Variants in ZNF320 observed in about 807,000 individuals in gnomAD.
ZNF320 encodes the protein zinc finger protein 320, also known as zinc finger gene 320.
A neutral mutation model predicts 6.8 loss-of-function variants in ZNF320; 2 were observed. That is an observed-to-expected ratio of 0.29 (90% CI 0.12 to 0.93). The LOEUF is 0.93. ZNF320 is among the 40% of genes least tolerant of loss of function. ZNF320 has a pLI of 0.55. For synonymous variants in ZNF320, 208 were observed against 203.2 expected (o/e 1.02, Z -0.20); for missense variants, 472 against 611.0 (o/e 0.77, Z 2.40).
chr19:52,866,891 G>T (rs80023479), intron 5 of ZNF320, among the ~76,000 whole-genome samples: 62 of 124,136 alleles, frequency 5.0e-4, no homozygotes, highest in African/African-American at 1.8e-3. Context: ...AAAAAAAAAA[G>T]AAAAGAAATG....
chr19:52,879,260 T>G lies in ZNF320; in HGVS notation c.*1336A>C, dbSNP rs765569199. Reference sequence around the variant, plus strand: ...GAGGTTATAAAAAGGATTGTTGATATGCAAGTGCCACTTATTTCTGGGATG... The same window carrying G: ...GAGGTTATAAAAAGGATTGTTGATAGGCAAGTGCCACTTATTTCTGGGATG... On this transcript the variant is annotated 3_prime_UTR_variant, in exon 6 of 6. Transcript: ENST00000682928. 6.6e-6 allele frequency: 1 copy of G among 152,456 alleles called. No individual in the cohort carries two copies. Among genetic ancestry groups the G allele is most frequent in the Non-Finnish European group, 1.5e-5 (1 of 68,176 alleles). The allele number at this position is 152,456 out of a possible 1,614,324, so 9.4% of individuals were successfully genotyped here.
chr19:52,881,154 A>C lies in ZNF320; in HGVS notation c.972T>G (p.Thr324=), dbSNP rs1600614765. 6.2e-7 allele frequency: 1 copy of C among 1,614,128 alleles called. No homozygotes were observed. Among genetic ancestry groups the C allele is most frequent in the Non-Finnish European group, 8.5e-7 (1 of 1,180,022 alleles). The change falls in exon 6 of 6, where the codon ACT becomes ACG. Residue 324 remains threonine (T), a synonymous_variant. Coordinates refer to ENST00000682928, the MANE Select transcript of ZNF320 (RefSeq NM_001351774.2). ...ATLAGHRRVH[T]GEKPYRCEEC... The stretch of plus-strand genomic sequence containing the variant: ...CTTCACATCTGTAAGGTTTCTCTCC[A>C]GTGTGAACTCTACGATGTCCTGCAA...
chr19:52,898,400 C>T (rs924194028), upstream of ZNF320, among the ~76,000 whole-genome samples: 1 of 152,172 alleles, frequency 6.6e-6, no homozygotes, highest in Admixed American at 6.5e-5. Context: ...AGCCGCAAGA[C>T]CGCTGAGCCC....
Position 52,881,720 on chromosome 19 carries a change from T to C in ZNF320, c.406A>G (p.Ile136Val), listed in dbSNP as rs773749448. 3.1e-6 allele frequency: 5 copies of C among 1,614,000 alleles called. No individual in the cohort carries two copies. Among genetic ancestry groups the C allele is most frequent in the South Asian group, 2.2e-5 (2 of 91,078 alleles). Residue 136 changes from isoleucine (I) to valine (V), a missense_variant, in exon 6 of 6, where the codon ATT becomes GTT. This residue lies in a region of ZNF320 where 462 missense variants were observed against 559.7 expected (regional missense o/e 0.83). Transcript: ENST00000682928. ...AATCTTGATTCAAGCTGACCTTTAA[T>C]AGGCTTGTTTCCAGCATGCCTTTGA... is the stretch of plus-strand genomic sequence containing the variant. Reference protein sequence around the residue: ...YDQRHAGNKPIKGQLESRFHL... With the variant: ...YDQRHAGNKPVKGQLESRFHL...
In ZNF320 at chr19:52,891,238, A is replaced by C. The variant is rs2064279232; in HGVS notation, c.-83T>G. On this transcript the variant is annotated 5_prime_UTR_variant, in exon 3 of 6. Transcript: ENST00000682928. ...GGCGGGTGGCACGCACCTGTATCTC[A>C]GCTACTTGGTAGGCTGAGGCACAAG... 6.6e-6 allele frequency: 1 copy of C among 152,166 alleles called. No individual in the cohort carries two copies. The highest frequency in any genetic ancestry group is 2.1e-4 in the South Asian group (1 of 4,832). The allele number at this position is 152,166 out of a possible 1,614,324, so 9.4% of individuals were successfully genotyped here. A position where few individuals can be genotyped will look rare whatever the true frequency, so the allele number is the denominator to read the frequency against.
At chr19:52,869,916 C>T (rs2063649573) in intron 5 of ZNF320, among the ~76,000 whole-genome samples, 1 of 151,786 alleles carries the variant, frequency 6.6e-6, no homozygotes, top group Admixed American at 6.6e-5. Context: ...TGGGGTTTCA[C>T]CGTGTTAGCC....
Position 52,896,123 on chromosome 19 carries a change from G to A in ZNF320, c.-270+1397C>T, listed in dbSNP as rs114209525. 3.6e-3 allele frequency among the ~76,000 whole-genome samples: 551 copies of A among 152,084 alleles called. 7 individuals are homozygous for A. The highest frequency in any genetic ancestry group is 0.012 in the African/African-American group (502 of 41,498). The stretch of plus-strand genomic sequence containing the variant: ...TCTTACTTTTTTCAGACGGAGTCTC[G>A]CTCTGTCACCCCAGGCTGGAGTGCA... On this transcript the variant is annotated intron_variant, in intron 1 of 5. Transcript: ENST00000682928.
chr19:52,862,377 CTA>C, exon 6 of ZNF320: 1 of 494,150 alleles, frequency 2.0e-6, no homozygotes, highest in Non-Finnish European at 4.1e-6. Context: ...ATGAATTCAC[CTA>C]TGTCTTTCAA....
At chr19:52,887,733 T>A (rs1363550527) in intron 5 of ZNF320, among the ~76,000 whole-genome samples, 1 of 152,110 alleles carries the variant, frequency 6.6e-6, no homozygotes, top group Non-Finnish European at 1.5e-5. Flanking sequence ...ATTGCAGGTG[T>A]GCACCATGAC....
chr19:52,881,367 G>A lies in ZNF320; in HGVS notation c.759C>T (p.Thr253=). 2 of 1,613,340 alleles carry A rather than the reference G, an allele frequency of 1.2e-6. No homozygotes were observed. The change falls in exon 6 of 6, where the codon ACC becomes ACT. Residue 253 remains threonine (T), a synonymous_variant. Transcript: ENST00000682928. ...KPYKCNECGK[T]FSQTSHLVYH... Reference sequence around the variant, plus strand: ...ACACAAGGTGTGATGTCTGACTAAAGGTCTTGCCACACTCATTACACTTAT... The same window carrying A: ...ACACAAGGTGTGATGTCTGACTAAAAGTCTTGCCACACTCATTACACTTAT...
intron 1 of ZNF320, 22 bp downstream of exon 1, chr19:52,897,498 G>C (rs528789978): frequency 6.6e-6 from 1 of 152,246 alleles, no homozygotes; most frequent in East Asian, 1.9e-4. Context: ...CTTTAAACTC[G>C]AAGGGACTCA....
At position 52,876,413 on chromosome 19, in the gene ZNF320, A is replaced by G. The variant is rs1050179125; in HGVS notation, c.*4183T>C. 5.3e-5 allele frequency: 8 copies of G among 151,964 alleles called. No homozygotes were observed. The highest frequency in any genetic ancestry group is 1.9e-4 in the African/African-American group (8 of 41,242). 9.4% of individuals were successfully genotyped at this position (151,964 alleles called of 1,614,324 possible). ...TAATGAAATGTGGGGTCAAAGAAGA[A>G]CATTTTGAACACATACCGTAGTTGC... On this transcript the variant is annotated 3_prime_UTR_variant, in exon 6 of 6. Coordinates refer to ENST00000682928, the MANE Select transcript of ZNF320 (RefSeq NM_001351774.2).
chr19:52,880,952 T>C lies in ZNF320; in HGVS notation c.1174A>G (p.Lys392Glu). Residue 392 changes from lysine to glutamate, a missense_variant, in exon 6 of 6, where the codon AAG (lysine) becomes GAG (glutamate). Physicochemically the swap from Lys to Glu is moderately conservative, Grantham distance 56. Transcript: ENST00000682928. ...ERPYTCNECG[K>E]VFSTKAYLAC... ...AGGTACGCTTTTGTACTAAAAACCT[T>C]GCCACATTCATTACATGTGTAAGGT... The C allele has an allele frequency of 6.2e-7, 1 of 1,613,616 alleles. No homozygotes were observed. The highest frequency in any genetic ancestry group is 8.5e-7 in the Non-Finnish European group (1 of 1,179,596).
At chr19:52,875,829 A>G (rs142227947), downstream of ZNF320, among the ~76,000 whole-genome samples, 494 of 152,302 alleles carry the variant, frequency 3.2e-3, 3 homozygotes, top group African/African-American at 0.011. Flanking sequence ...ACCTGAGCAA[A>G]TGAAATGTCT....
chr19:52,860,899 T>C (rs920495399), exon 6 of ZNF320, among the ~76,000 whole-genome samples: 5 of 152,268 alleles, frequency 3.3e-5, no homozygotes, highest in African/African-American at 7.2e-5. Flanking sequence ...TTTCCACTCA[T>C]GCACCACAGC....
Position 52,881,772 on chromosome 19 carries a change from C to T in ZNF320, c.354G>A (p.Lys118=). ...DHEAPMTEIK[K]LTSSTDRYDQ... Reference sequence around the variant, plus strand: ...CATATCGGTCTGTACTACTAGTCAACTTTTTTATTTCTGTCATGGGTGCTT... The same window carrying T: ...CATATCGGTCTGTACTACTAGTCAATTTTTTTATTTCTGTCATGGGTGCTT... The change falls in exon 6 of 6, where the codon AAG becomes AAA. Residue 118 remains lysine (K), a synonymous_variant. Transcript: ENST00000682928. 1.2e-6 allele frequency: 2 copies of T among 1,613,866 alleles called. No homozygotes were observed. The highest frequency in any genetic ancestry group is 8.5e-7 in the Non-Finnish European group (1 of 1,179,824).
In ZNF320 at chr19:52,881,041, C is replaced by A; in HGVS notation, c.1085G>T (p.Cys362Phe). ...TGEKPYKCKV[C>F]DKAFRSDSRL... Reference sequence around the variant, plus strand: ...TGAATCACTCCGGAAAGCCTTGTCACAAACCTTACATTTGTATGGTTTCTC... The same window carrying A: ...TGAATCACTCCGGAAAGCCTTGTCAAAAACCTTACATTTGTATGGTTTCTC... The change falls in exon 6 of 6, where the codon TGT (cysteine) becomes TTT (phenylalanine). Residue 362 changes from cysteine to phenylalanine, a missense_variant. By Grantham distance (205) the Cys-to-Phe change is radical. Coordinates refer to ENST00000682928, the MANE Select transcript of ZNF320 (RefSeq NM_001351774.2). 6.2e-7 allele frequency: 1 copy of A among 1,614,134 alleles called. No homozygotes were observed. The highest frequency in any genetic ancestry group is 1.1e-5 in the South Asian group (1 of 91,078).
intron 2 of ZNF320, among the ~76,000 whole-genome samples, chr19:52,892,977 G>C (rs1008500911): frequency 6.6e-6 from 1 of 151,502 alleles, no homozygotes; most frequent in African/African-American, 2.4e-5. Context: ...CATTTCTCCA[G>C]TTGCTTTTCT....
rs145680166 is a variant in ZNF320 at position 52,888,149 on chromosome 19, A to G, written c.120T>C (p.Asn40=). The part of the protein sequence containing the change: ...RTLYRDVMLE[N]YRNLVSLDIS... Reference sequence around the variant, plus strand: ...CACCCAGGGAGACCAGGTTCCTATAATTCTCCAGCATCACGTCTCTGTATA... The same window carrying G: ...CACCCAGGGAGACCAGGTTCCTATAGTTCTCCAGCATCACGTCTCTGTATA... The change falls in exon 5 of 6, where the codon AAT becomes AAC. Residue 40 remains asparagine (N), a synonymous_variant. Transcript: ENST00000682928. 0.12 allele frequency: 170,372 copies of G among 1,389,850 alleles called. No individual in the cohort carries two copies. The highest frequency in any genetic ancestry group is 0.29 in the Admixed American group (11,893 of 41,072). The allele number at this position is 1,389,850 out of a possible 1,614,324, so 86.1% of individuals were successfully genotyped here. A position where few individuals can be genotyped will look rare whatever the true frequency, so the allele number is the denominator to read the frequency against.
Sources: gnomAD v4.1 joint callset for allele counts (sites outside exome capture counted in the v4.1 genomes callset) on GRCh38, gnomAD v4.1.1 for gene constraint, gnomAD v4.1.1 regional missense constraint, MANE v1.5 for transcripts, NCBI Gene and HGNC (gene_info 2026-07-23, HGNC 2026-07-21) for gene names.